GSTCD: variants seen among roughly 807,000 people sequenced by gnomAD.
GSTCD encodes the protein glutathione S-transferase C-terminal domain-containing protein.
Under a neutral mutation model 68.3 loss-of-function variants are expected in GSTCD, and 44 were observed. That is an observed-to-expected ratio of 0.64 (90% CI 0.51 to 0.83). The LOEUF (loss-of-function observed/expected upper bound fraction) is 0.83. Ranked by LOEUF, GSTCD falls within the 40% of genes least tolerant of loss-of-function variation. The pLI is 0.00. For synonymous variants in GSTCD, 273 were observed against 255.2 expected (o/e 1.07, Z -0.67); for missense variants, 739 against 735.9 (o/e 1.00, Z -0.05).
At chr4:105,730,194 A>G (rs1409349743) in intron 5 of GSTCD, among the ~76,000 whole-genome samples, 1 of 152,220 alleles carries the variant, frequency 6.6e-6, no homozygotes, top group African/African-American at 2.4e-5. Flanking sequence ...ATAGTGCCGC[A>G]ATGAACATAC....
Position 105,845,549 on chromosome 4 carries a change from A to T in GSTCD, c.1874A>T (p.Asn625Ile). The change falls in exon 12 of 12, where the codon AAT becomes ATT. Residue 625 changes from asparagine (N) to isoleucine (I), a missense_variant. Coordinates refer to ENST00000515279, the MANE Select transcript of GSTCD (RefSeq NM_001370181.1). ...GAGCCAGAGAGCTGCTCTCCCAAAAATAACATGATTGTGGGAGTCCCCATT... is the reference window on the plus strand; with the variant it reads ...GAGCCAGAGAGCTGCTCTCCCAAAATTAACATGATTGTGGGAGTCCCCATT... ...SMEPESCSPK[N>I]NMIVGVPI 6.2e-7 allele frequency: 1 copy of T among 1,614,100 alleles called. No homozygotes were observed.
chr4:105,820,379 C>A (rs1723228194), intron 5 of GSTCD, among the ~76,000 whole-genome samples: 1 of 151,802 alleles, frequency 6.6e-6, no homozygotes. Flanking sequence ...ACTTAGATTT[C>A]TTTTTCCGTG....
At position 105,811,002 on chromosome 4, in the gene GSTCD, T is replaced by TA. The variant is rs552475371; in HGVS notation, c.1241-11949dup. On this transcript the variant is annotated intron_variant, in intron 5 of 11. Coordinates refer to ENST00000515279, the MANE Select transcript of GSTCD (RefSeq NM_001370181.1). ...AAGTAGGCATTTTTAGGCAAAGAGG[T>TA]AAATAAAGCAATATTTCCTGAAGTA... is the stretch of plus-strand genomic sequence containing the variant. Among the ~76,000 whole-genome samples, 240 of 152,260 alleles carry TA rather than the reference T, an allele frequency of 1.6e-3. 2 individuals carry two copies. The highest frequency in any genetic ancestry group is 5.3e-3 in the African/African-American group (220 of 41,556).
chr4:105,817,989 T>G (rs1361243400), intron 5 of GSTCD, among the ~76,000 whole-genome samples: 1 of 151,944 alleles, frequency 6.6e-6, no homozygotes, highest in East Asian at 1.9e-4. Flanking sequence ...GAAAACTCAT[T>G]CATTAAACTT....
At chr4:105,836,397 G>A (rs1724120726) in intron 9 of GSTCD, among the ~76,000 whole-genome samples, 2 of 152,188 alleles carry the variant, frequency 1.3e-5, no homozygotes, top group Admixed American at 1.3e-4. Flanking sequence ...TGGCAGCCTG[G>A]ACCCCAAGCT....
intron 9 of GSTCD, among the ~76,000 whole-genome samples, chr4:105,836,805 T>C (rs1724140550): frequency 6.6e-6 from 1 of 152,220 alleles, no homozygotes; most frequent in African/African-American, 2.4e-5. Context: ...CCTTGTCCTT[T>C]GAACTGATAT....
chr4:105,797,433 T>TAC (rs1395352844), intron 5 of GSTCD, among the ~76,000 whole-genome samples: 1 of 152,214 alleles, frequency 6.6e-6, no homozygotes, highest in African/African-American at 2.4e-5. Context: ...AAGTTGTGTT[T>TAC]ACACTATACT....
In GSTCD at chr4:105,791,156, G is replaced by A. The variant is rs566284057; in HGVS notation, c.1241-31798G>A. Among the ~76,000 whole-genome samples the A allele has an allele frequency of 2.6e-5, 4 of 152,098 alleles. No homozygotes were observed. The South Asian group carries it at 8.3e-4, about 31-fold the overall frequency. On this transcript the variant is annotated intron_variant, in intron 5 of 11. Transcript: ENST00000515279. ...TGCCTGTAATCCCAGCACTTTGGGA[G>A]GCCGAGGTGGGCGGATCACGAGGTC...
At chr4:105,803,861 C>A (rs1175917810) in intron 5 of GSTCD, among the ~76,000 whole-genome samples, 1 of 151,894 alleles carries the variant, frequency 6.6e-6, no homozygotes, top group Non-Finnish European at 1.5e-5. Flanking sequence ...TGTGGTAAAA[C>A]TCAAAAGAAA....
chr4:105,733,648 C>T (rs1733338842), intron 5 of GSTCD, among the ~76,000 whole-genome samples: 1 of 152,170 alleles, frequency 6.6e-6, no homozygotes, highest in African/African-American at 2.4e-5. Context: ...TCCAATTTGC[C>T]AGTCTGTGTC....
intron 3 of GSTCD, among the ~76,000 whole-genome samples, chr4:105,720,155 C>G (rs1255377725): frequency 3.5e-5 from 5 of 144,312 alleles, no homozygotes; most frequent in African/African-American, 1.4e-4. Context: ...AGATCTCTCT[C>G]TCTCTCTCTC....
At chr4:105,816,037 TA>T (rs1444913072) in intron 5 of GSTCD, among the ~76,000 whole-genome samples, 2 of 152,070 alleles carry the variant, frequency 1.3e-5, no homozygotes, top group Non-Finnish European at 1.5e-5. Flanking sequence ...ATAGCAGGAA[TA>T]AGAAGGTTTT....
At chr4:105,807,125 A>G (rs915984350) in intron 5 of GSTCD, 1 of 152,154 alleles carries the variant, frequency 6.6e-6, no homozygotes, top group African/African-American at 2.4e-5. Flanking sequence ...TAAAAGTAGT[A>G]TAATGAATAC....
chr4:105,825,350 G>A (rs1409050736), intron 7 of GSTCD, among the ~76,000 whole-genome samples: 1 of 152,128 alleles, frequency 6.6e-6, no homozygotes, highest in Non-Finnish European at 1.5e-5. Flanking sequence ...GGCTAATCTC[G>A]AGTTCCTGAC....
At position 105,846,451 on chromosome 4, in the gene GSTCD, A is replaced by T. The variant is rs1465909874; in HGVS notation, c.*874A>T. On this transcript the variant is annotated 3_prime_UTR_variant, in exon 12 of 12. Coordinates refer to ENST00000515279, the MANE Select transcript of GSTCD (RefSeq NM_001370181.1). ...TGGTTCAAATTATTAAATAATTGCC[A>T]TAAATTTCCTATTACGGGAATGTGG... is the stretch of plus-strand genomic sequence containing the variant. 6.6e-6 allele frequency: 1 copy of T among 152,218 alleles called. No homozygotes were observed. Among genetic ancestry groups the T allele is most frequent in the African/African-American group, 2.4e-5 (1 of 41,446 alleles). The allele number at this position is 152,218 out of a possible 1,614,324, so 9.4% of individuals were successfully genotyped here. A position where few individuals can be genotyped will look rare whatever the true frequency, so the allele number is the denominator to read the frequency against.
intron 5 of GSTCD, among the ~76,000 whole-genome samples, chr4:105,779,935 T>C (rs1735213638): frequency 6.6e-6 from 1 of 152,256 alleles, no homozygotes; most frequent in Non-Finnish European, 1.5e-5. Context: ...TAGAAAGATA[T>C]ATGATACTCA....
chr4:105,825,146 T>TTGTTTGTC (rs766583313), intron 7 of GSTCD, among the ~76,000 whole-genome samples: 3 of 151,770 alleles, frequency 2.0e-5, no homozygotes, highest in African/African-American at 4.9e-5. Flanking sequence ...GTTTGTTTGT[T>TTGTTTGTC]TGAGACAGAT....
chr4:105,845,385 T>C (rs1292082859), intron 11 of GSTCD, 56 bp from the exon 12 acceptor site: 1 of 1,607,302 alleles, frequency 6.2e-7, no homozygotes, highest in Non-Finnish European at 8.5e-7. Context: ...TTAAACAAAC[T>C]GAAACTGTCC....
intron 5 of GSTCD, among the ~76,000 whole-genome samples, chr4:105,784,328 G>A (rs1462286343): frequency 6.6e-6 from 1 of 152,194 alleles, no homozygotes; most frequent in Admixed American, 6.5e-5. Flanking sequence ...GGCAGAATGT[G>A]GAAGGCAGAA....
Sources: allele counts gnomAD v4.1 joint callset (sites outside exome capture counted in the v4.1 genomes callset), GRCh38; gene constraint gnomAD v4.1.1; transcripts MANE v1.5; gene names NCBI Gene and HGNC (gene_info 2026-07-23, HGNC 2026-07-21).